KCNMA1: variants seen among roughly 807,000 people sequenced by gnomAD.
KCNMA1 encodes Calcium-activated potassium channel subunit alpha-1.
Under a neutral mutation model 140.0 loss-of-function variants are expected in KCNMA1, and 29 were observed. That is an observed-to-expected ratio of 0.21 (90% CI 0.15 to 0.28). The LOEUF is 0.28. Ranked by LOEUF, KCNMA1 falls within the 10% of genes least tolerant of loss-of-function variation. The pLI, the probability that KCNMA1 is intolerant of heterozygous loss-of-function variation, is 1.00. For missense variants in KCNMA1, 880 were observed against 1,602.2 expected, an observed-to-expected ratio of 0.55 and a Z score of 7.70; for synonymous variants, 612 against 611.9, an observed-to-expected ratio of 1.00 and a Z score of 0.00.
At chr10:77,566,059 T>C (rs2068185627) in intron 1 of KCNMA1, among the ~76,000 whole-genome samples, 1 of 152,188 alleles carries the variant, frequency 6.6e-6, no homozygotes, top group Admixed American at 6.5e-5. Context: ...ATTCACCTAC[T>C]GCACAAACAA....
At chr10:77,301,656 C>T (rs1487363918) in intron 2 of KCNMA1, among the ~76,000 whole-genome samples, 4 of 152,080 alleles carry the variant, frequency 2.6e-5, no homozygotes, top group African/African-American at 9.6e-5. Context: ...TTCTACCATG[C>T]ACTGGAGAAT....
chr10:77,295,787 C>CAA (rs36034012), intron 2 of KCNMA1, among the ~76,000 whole-genome samples: 1,054 of 43,246 alleles, frequency 0.024, 237 homozygotes, highest in East Asian at 0.099. Flanking sequence ...GACTCCGTCT[C>CAA]AAAAAAAAAA....
chr10:77,117,356 G>A (rs1054131650), intron 6 of KCNMA1, among the ~76,000 whole-genome samples: 3 of 151,578 alleles, frequency 2.0e-5, no homozygotes, highest in Admixed American at 6.6e-5. Context: ...CGAGACCAGC[G>A]TGGCCAACAC....
intron 1 of KCNMA1, among the ~76,000 whole-genome samples, chr10:77,554,997 G>A (rs1172908659): frequency 1.3e-5 from 2 of 151,644 alleles, no homozygotes; most frequent in African/African-American, 2.4e-5. Context: ...CAGAAGAACC[G>A]TTCATAATGA....
chr10:76,991,974 T>G (rs1032002146), intron 19 of KCNMA1, among the ~76,000 whole-genome samples: 28 of 152,346 alleles, frequency 1.8e-4, no homozygotes, highest in African/African-American at 6.3e-4. Flanking sequence ...CTTTCTCACT[T>G]CATTTATAAG....
intron 2 of KCNMA1, among the ~76,000 whole-genome samples, chr10:77,277,920 C>T (rs1358297071): frequency 6.6e-6 from 1 of 152,178 alleles, no homozygotes; most frequent in African/African-American, 2.4e-5. Context: ...AAAAAGAATG[C>T]TAGAGATGTT....
At chr10:77,572,531 C>A (rs1195579998) in intron 1 of KCNMA1, among the ~76,000 whole-genome samples, 1 of 116,402 alleles carries the variant, frequency 8.6e-6, no homozygotes, top group Admixed American at 1.0e-4. Flanking sequence ...GCCTGGGCAA[C>A]ATGGCAAAAC....
chr10:77,309,720 T>G (rs1341847659), intron 2 of KCNMA1: 1 of 152,268 alleles, frequency 6.6e-6, no homozygotes, highest in Non-Finnish European at 1.5e-5. Context: ...GACGACTCTG[T>G]TCTCATTCCA....
At chr10:77,494,900 G>T (rs754099147) in intron 1 of KCNMA1, among the ~76,000 whole-genome samples, 5 of 152,058 alleles carry the variant, frequency 3.3e-5, no homozygotes, top group African/African-American at 1.2e-4. Context: ...ATTCATCACC[G>T]CAATCTCTGC....
chr10:76,944,537 G>T (rs1399574187), intron 23 of KCNMA1, among the ~76,000 whole-genome samples: 1 of 152,182 alleles, frequency 6.6e-6, no homozygotes, highest in Non-Finnish European at 1.5e-5. Flanking sequence ...TTAAAGGCTT[G>T]TTTATCCTCT....
At chr10:77,435,264 C>T (rs991736338) in intron 1 of KCNMA1, among the ~76,000 whole-genome samples, 7 of 152,032 alleles carry the variant, frequency 4.6e-5, no homozygotes, top group Non-Finnish European at 7.4e-5. Context: ...AAGGATACTC[C>T]GTAACATTAC....
intron 2 of KCNMA1, among the ~76,000 whole-genome samples, chr10:77,361,350 G>C (rs1293938150): frequency 6.6e-6 from 1 of 152,140 alleles, no homozygotes; most frequent in African/African-American, 2.4e-5. Flanking sequence ...GAAATGAGAA[G>C]GTAAGGCCTA....
intron 25 of KCNMA1, among the ~76,000 whole-genome samples, chr10:76,907,000 T>C (rs1481939616): frequency 6.6e-6 from 1 of 152,222 alleles, no homozygotes; most frequent in Non-Finnish European, 1.5e-5. Flanking sequence ...CTTAAATATG[T>C]CTTGCTTCAA....
At chr10:77,005,235 T>A (rs529010191) in intron 18 of KCNMA1, among the ~76,000 whole-genome samples, 2 of 152,194 alleles carry the variant, frequency 1.3e-5, no homozygotes, top group South Asian at 4.1e-4. Context: ...TTGAAATATA[T>A]GCAGTGTCAT....
chr10:77,553,032 G>A (rs923785032), intron 1 of KCNMA1, among the ~76,000 whole-genome samples: 1 of 147,264 alleles, frequency 6.8e-6, no homozygotes, highest in African/African-American at 2.5e-5. Flanking sequence ...GCAAGACCCT[G>A]TCTCAAAAAA....
chr10:77,372,750 A>G (rs1364316000), intron 2 of KCNMA1: 2 of 152,172 alleles, frequency 1.3e-5, no homozygotes, highest in Non-Finnish European at 2.9e-5. Flanking sequence ...TTCCAATGAG[A>G]AAATGGAAGC....
At chr10:77,229,736 G>T (rs545059906) in intron 3 of KCNMA1, among the ~76,000 whole-genome samples, 90 of 152,208 alleles carry the variant, frequency 5.9e-4, no homozygotes, top group Non-Finnish European at 1.2e-3. Context: ...CGAACCAAGG[G>T]AGTAGTGGCT....
At chr10:76,956,822 G>T (rs577817860) in intron 20 of KCNMA1, among the ~76,000 whole-genome samples, 1 of 152,238 alleles carries the variant, frequency 6.6e-6, no homozygotes, top group East Asian at 1.9e-4. Flanking sequence ...GGAAGGTTTT[G>T]CAAAGAAAGT....
intron 2 of KCNMA1, among the ~76,000 whole-genome samples, chr10:77,320,778 C>T (rs1373469748): frequency 6.6e-6 from 1 of 152,178 alleles, no homozygotes; most frequent in Admixed American, 6.5e-5. Flanking sequence ...ATTCGAGAAT[C>T]CTGTGTTGAA....
Sources: gnomAD v4.1 joint callset for allele counts (sites outside exome capture counted in the v4.1 genomes callset) on GRCh38, gnomAD v4.1.1 for gene constraint, MANE v1.5 for transcripts, NCBI Gene and HGNC (gene_info 2026-07-23, HGNC 2026-07-21) for gene names.